Variants in PCED1B observed in about 807,000 individuals in gnomAD.
The protein encoded by PCED1B is PC-esterase domain containing 1B, also known as PC-esterase domain-containing protein 1B.
For missense variants in PCED1B, 573 were observed against 573.9 expected, an observed-to-expected ratio of 1.00 and a Z score of 0.02; for synonymous variants, 251 against 246.1, an observed-to-expected ratio of 1.02 and a Z score of -0.19.
intron 1 of PCED1B, among the ~76,000 whole-genome samples, chr12:47,098,495 T>A (rs1386027815): frequency 1.3e-5 from 2 of 152,242 alleles, no homozygotes; most frequent in Non-Finnish European, 2.9e-5. Flanking sequence ...TTATTTATTT[T>A]ATTTATGTTT....
At chr12:47,186,117 C>T (rs1565589603) in intron 2 of PCED1B, among the ~76,000 whole-genome samples, 1 of 151,590 alleles carries the variant, frequency 6.6e-6, no homozygotes, top group Non-Finnish European at 1.5e-5. Context: ...ACTCAGGAGA[C>T]TGAGGCAGGA....
intron 2 of PCED1B, among the ~76,000 whole-genome samples, chr12:47,106,848 TG>T (rs1198329527): frequency 6.6e-6 from 1 of 152,210 alleles, no homozygotes; most frequent in East Asian, 1.9e-4. Flanking sequence ...CCTCCACCTC[TG>T]GCAAACATAC....
intron 3 of PCED1B, among the ~76,000 whole-genome samples, chr12:47,233,131 C>T (rs1943861424): frequency 6.6e-6 from 1 of 152,068 alleles, no homozygotes; most frequent in Non-Finnish European, 1.5e-5. Context: ...GTCTCGAACT[C>T]CTGAGCTCAA....
At chr12:47,183,156 A>C (rs984933218) in intron 2 of PCED1B, among the ~76,000 whole-genome samples, 3 of 152,226 alleles carry the variant, frequency 2.0e-5, no homozygotes. Flanking sequence ...TAGGGAATGA[A>C]CTTTTGCCAA....
intron 3 of PCED1B, among the ~76,000 whole-genome samples, chr12:47,218,959 G>C (rs1367243673): frequency 1.3e-5 from 2 of 151,948 alleles, no homozygotes; most frequent in African/African-American, 4.8e-5. Context: ...TGGCCAACAC[G>C]GTGAAACTCC....
intron 2 of PCED1B, among the ~76,000 whole-genome samples, chr12:47,158,674 G>C (rs1449095690): frequency 6.6e-6 from 1 of 152,078 alleles, no homozygotes; most frequent in Non-Finnish European, 1.5e-5. Flanking sequence ...ACATATTTAT[G>C]AGGTACAGGT....
chr12:47,196,293 G>C lies in PCED1B; in HGVS notation c.-525-19929G>C, dbSNP rs979171462. On this transcript the variant is annotated intron_variant, in intron 2 of 3. Coordinates refer to ENST00000546455, the MANE Select transcript of PCED1B (RefSeq NM_138371.3). The stretch of plus-strand genomic sequence containing the variant: ...GCAACTAGCTTCAAATCCTGGCTCT[G>C]CCACTTACTAGATGTGCCTACCAGA... Among the ~76,000 whole-genome samples the C allele has an allele frequency of 2.0e-5, 3 of 152,184 alleles. No homozygotes were observed. In the East Asian group the frequency reaches 5.8e-4, roughly 29 times the overall value.
chr12:47,192,707 T>C (rs1942484106), intron 2 of PCED1B, among the ~76,000 whole-genome samples: 1 of 152,180 alleles, frequency 6.6e-6, no homozygotes, highest in African/African-American at 2.4e-5. Flanking sequence ...GGGCTCTCCA[T>C]AGCAATAATG....
At chr12:47,214,366 G>A (rs560678823) in intron 2 of PCED1B, among the ~76,000 whole-genome samples, 10 of 152,190 alleles carry the variant, frequency 6.6e-5, no homozygotes, top group Non-Finnish European at 1.5e-4. Flanking sequence ...AGTCTTCAGA[G>A]CATGTAATTC....
chr12:47,202,820 A>G (rs901698961), intron 2 of PCED1B, among the ~76,000 whole-genome samples: 1 of 152,044 alleles, frequency 6.6e-6, no homozygotes, highest in Non-Finnish European at 1.5e-5. Context: ...CAGAGTGGCC[A>G]CTGTGCTCTT....
At chr12:47,222,985 G>A (rs570077333) in intron 3 of PCED1B, among the ~76,000 whole-genome samples, 34 of 152,246 alleles carry the variant, frequency 2.2e-4, no homozygotes, top group African/African-American at 7.5e-4. Context: ...TAGGGACATA[G>A]GGTTACCTCA....
intron 2 of PCED1B, among the ~76,000 whole-genome samples, chr12:47,110,165 G>A (rs1252794997): frequency 6.6e-6 from 1 of 152,130 alleles, no homozygotes; most frequent in Non-Finnish European, 1.5e-5. Flanking sequence ...AACAATATGT[G>A]CTTTTGTTGA....
At position 47,217,711 on chromosome 12, in the gene PCED1B, G is replaced by T. The variant is rs1353071433; in HGVS notation, c.-58+1022G>T. Among the ~76,000 whole-genome samples the T allele has an allele frequency of 3.9e-5, 6 of 151,952 alleles. No individual in the cohort carries two copies. The East Asian group carries it at 1.2e-3, about 29-fold the overall frequency. ...TGTGCCTCAGCCTCCCAAGTAGCTG[G>T]GATTACAGGCACGCGACACCACTCC... On this transcript the variant is annotated intron_variant, in intron 3 of 3. Transcript: ENST00000546455.
At position 47,106,841 on chromosome 12, in the gene PCED1B, C is replaced by T. The variant is rs746822869; in HGVS notation, c.-526+2646C>T. Among the ~76,000 whole-genome samples the T allele has an allele frequency of 3.0e-4, 45 of 152,218 alleles. No individual in the cohort carries two copies. The Middle Eastern group carries it at 0.014, about 46-fold the overall frequency. On this transcript the variant is annotated intron_variant, in intron 2 of 3. Transcript: ENST00000546455. ...CTCATCCAGGTGAAATTGCTTTCCT[C>T]CACCTCTGGCAAACATACATTAGGG... is the stretch of plus-strand genomic sequence containing the variant.
chr12:47,081,589 G>C (rs1937724961), intron 1 of PCED1B, among the ~76,000 whole-genome samples: 1 of 152,194 alleles, frequency 6.6e-6, no homozygotes, highest in South Asian at 2.1e-4. Flanking sequence ...TTAAAGGGGA[G>C]AGGCAGAAGT....
chr12:47,180,932 A>G (rs955565684), intron 2 of PCED1B, among the ~76,000 whole-genome samples: 19 of 152,088 alleles, frequency 1.2e-4, no homozygotes, highest in Non-Finnish European at 4.4e-5. Flanking sequence ...ACATATATGT[A>G]TGTAGTGGTT....
chr12:47,194,816 G>T (rs930471057), intron 2 of PCED1B, among the ~76,000 whole-genome samples: 2 of 152,166 alleles, frequency 1.3e-5, no homozygotes, highest in African/African-American at 4.8e-5. Flanking sequence ...GGTGCCGTGT[G>T]GCTAAATTCG....
chr12:47,190,453 C>A (rs1392920346), intron 2 of PCED1B, among the ~76,000 whole-genome samples: 1 of 152,212 alleles, frequency 6.6e-6, no homozygotes, highest in Non-Finnish European at 1.5e-5. Context: ...CAGCTCCCTG[C>A]AGGTTAAGGA....
In PCED1B at chr12:47,084,662, G is replaced by A. The variant is rs192243846; in HGVS notation, c.-609+4937G>A. Among the ~76,000 whole-genome samples the A allele has an allele frequency of 3.9e-5, 6 of 152,294 alleles. No individual in the cohort carries two copies. In the East Asian group the frequency reaches 9.6e-4, roughly 24 times the overall value. On this transcript the variant is annotated intron_variant, in intron 1 of 3. Transcript: ENST00000546455. ...GTTGCACAGAATCTGTTAGGATCAC[G>A]CTGTTGAAAGACCTGCATAGGTTAG...
Sources: allele counts gnomAD v4.1 joint callset (sites outside exome capture counted in the v4.1 genomes callset), GRCh38; gene constraint gnomAD v4.1.1; transcripts MANE v1.5; gene names NCBI Gene and HGNC (gene_info 2026-07-23, HGNC 2026-07-21).